GGNBP2: variants seen among roughly 807,000 people sequenced by gnomAD.
GGNBP2 encodes the protein gametogenetin binding protein 2.
A neutral mutation model predicts 85.9 loss-of-function variants in GGNBP2; 10 were observed. The observed-to-expected ratio is 0.12, with a 90% CI of 0.07 to 0.20. GGNBP2 has a LOEUF of 0.20. GGNBP2 is among the 10% of genes least tolerant of loss of function. The pLI, the probability that GGNBP2 is intolerant of heterozygous loss-of-function variation, is 1.00. For missense variants in GGNBP2, 595 were observed against 857.8 expected (o/e 0.69, Z 3.83); for synonymous variants, 287 against 285.7 (o/e 1.00, Z -0.05).
chr17:36,559,858 A>G (rs1019824768), intron 4 of GGNBP2, among the ~76,000 whole-genome samples: 3 of 151,966 alleles, frequency 2.0e-5, no homozygotes, highest in African/African-American at 4.8e-5. Flanking sequence ...TTTTTTTGAG[A>G]CAAAGTCTCA....
chr17:36,568,798 C>T (rs1286973669), intron 6 of GGNBP2, among the ~76,000 whole-genome samples: 1 of 151,774 alleles, frequency 6.6e-6, no homozygotes, highest in Non-Finnish European at 1.5e-5. Context: ...GCTCTGTTGC[C>T]AGGCTGGAAT....
At chr17:36,580,912 CTG>C (rs2074642715) in intron 8 of GGNBP2, among the ~76,000 whole-genome samples, 1 of 149,008 alleles carries the variant, frequency 6.7e-6, no homozygotes, top group Non-Finnish European at 1.5e-5. Context: ...GAGCAAGACT[CTG>C]TCTCAAAAAA....
intron 9 of GGNBP2, among the ~76,000 whole-genome samples, chr17:36,582,986 A>AG (rs1310467524): frequency 6.6e-6 from 1 of 152,194 alleles, no homozygotes; most frequent in Non-Finnish European, 1.5e-5. Context: ...AATGAGAGTG[A>AG]GAAGAATGGT....
chr17:36,581,603 G>A (rs553773544), intron 9 of GGNBP2, 65 bp downstream of exon 9: 2 of 1,255,106 alleles, frequency 1.6e-6, no homozygotes, highest in Admixed American at 4.4e-5. Flanking sequence ...GTACAGGCCA[G>A]GTGTGGTGGC....
At chr17:36,586,956 T>C (rs748524135) in intron 12 of GGNBP2, 41 bp from the exon 13 acceptor site, 1 of 1,473,892 alleles carries the variant, frequency 6.8e-7, no homozygotes, top group Non-Finnish European at 9.4e-7. Context: ...TGCTATTATA[T>C]CATGCCTTTT....
At chr17:36,545,304 C>G (rs2142647566) in intron 1 of GGNBP2, among the ~76,000 whole-genome samples, 2 of 148,112 alleles carry the variant, frequency 1.4e-5, no homozygotes, top group South Asian at 4.3e-4. Context: ...GGGCCCAGGC[C>G]AGGGGTGGGG....
chr17:36,545,833 C>G lies in GGNBP2; in HGVS notation c.93+16C>G, dbSNP rs1001358688. On this transcript the variant is annotated intron_variant, in intron 2 of 13. Coordinates refer to ENST00000613102, the MANE Select transcript of GGNBP2 (RefSeq NM_024835.5). Reference sequence around the variant, plus strand: ...CACCCTGACGGTGAGCGGGCCGGGCCGGGCTGGGCCCGCCGCTCCCCTGGC... The same window carrying G: ...CACCCTGACGGTGAGCGGGCCGGGCGGGGCTGGGCCCGCCGCTCCCCTGGC... The G allele has an allele frequency of 3.3e-6, 5 of 1,510,644 alleles. No individual in the cohort carries two copies. The highest frequency in any genetic ancestry group is 4.5e-6 in the Non-Finnish European group (5 of 1,118,190). 93.6% of individuals were successfully genotyped at this position (1,510,644 alleles called of 1,614,324 possible).
chr17:36,552,877 C>A (rs1477098270), intron 2 of GGNBP2, among the ~76,000 whole-genome samples: 2 of 152,012 alleles, frequency 1.3e-5, no homozygotes, highest in Non-Finnish European at 2.9e-5. Context: ...AAAATATTAA[C>A]CATGTTTGGT....
chr17:36,575,055 A>C, intron 6 of GGNBP2: 1 of 1,222,860 alleles, frequency 8.2e-7, no homozygotes, highest in Non-Finnish European at 1.2e-6. Flanking sequence ...CCCAGGAAAA[A>C]GTTAGTGATC....
chr17:36,548,652 A>AG (rs2074278424), intron 2 of GGNBP2, among the ~76,000 whole-genome samples: 1 of 135,222 alleles, frequency 7.4e-6, no homozygotes, highest in Non-Finnish European at 1.6e-5. Context: ...AAAAAAAAAA[A>AG]GTAGCCTTAG....
chr17:36,545,927 C>G (rs1329764757), intron 2 of GGNBP2, 110 bp downstream of exon 2: 9 of 743,484 alleles, frequency 1.2e-5, no homozygotes, highest in Non-Finnish European at 2.0e-5. Flanking sequence ...TGTTGCAACT[C>G]CTAGGCGAGG....
intron 6 of GGNBP2, among the ~76,000 whole-genome samples, chr17:36,572,476 C>T (rs1555606977): frequency 6.6e-6 from 1 of 152,194 alleles, no homozygotes; most frequent in Non-Finnish European, 1.5e-5. Context: ...ATTGTTTGAG[C>T]CCAGGAGTTC....
At chr17:36,567,828 T>C (rs774737450) in intron 6 of GGNBP2, 52 bp downstream of exon 6, 3 of 896,628 alleles carry the variant, frequency 3.3e-6, no homozygotes, top group Admixed American at 3.7e-5. Flanking sequence ...TATGTGTCAG[T>C]CACCTAGAGT....
chr17:36,577,973 T>C lies in GGNBP2; in HGVS notation c.642-10T>C. 6.2e-7 allele frequency: 1 copy of C among 1,610,998 alleles called. No individual in the cohort carries two copies. Among genetic ancestry groups the C allele is most frequent in the Admixed American group, 1.7e-5 (1 of 60,010 alleles). ...CCATTTCTTAATTTTAAGGTTTTTC[T>C]TTTCAACAGGTTTTGCACTGATTGC... On this transcript the variant is annotated splice_polypyrimidine_tract_variant and intron_variant, in intron 6 of 13. Coordinates refer to ENST00000613102, the MANE Select transcript of GGNBP2 (RefSeq NM_024835.5).
At chr17:36,578,384 T>G (rs935363344) in intron 7 of GGNBP2, 198 bp downstream of exon 7, 7 of 527,164 alleles carry the variant, frequency 1.3e-5, no homozygotes, top group Non-Finnish European at 2.3e-5. Flanking sequence ...TCTCTGGTGT[T>G]TGGTTCAGTC....
intron 9 of GGNBP2, 53 bp from the exon 10 acceptor site, chr17:36,585,247 G>T (rs1389557408): frequency 6.8e-7 from 1 of 1,465,570 alleles, no homozygotes; most frequent in Non-Finnish European, 9.4e-7. Flanking sequence ...GGAATAAAAT[G>T]TAGCTGTTAT....
intron 5 of GGNBP2, among the ~76,000 whole-genome samples, chr17:36,563,267 GAAAT>G (rs746688178): frequency 1.3e-5 from 2 of 151,604 alleles, no homozygotes; most frequent in East Asian, 1.9e-4. Flanking sequence ...ACTTTGTCTC[GAAAT>G]AAATAAATAA....
chr17:36,586,591 A>C, intron 12 of GGNBP2: 1 of 258,910 alleles, frequency 3.9e-6, no homozygotes, highest in South Asian at 5.7e-5. Context: ...TGCTACTATT[A>C]CTTAGTATTC....
intron 2 of GGNBP2, among the ~76,000 whole-genome samples, chr17:36,553,133 A>G (rs183138684): frequency 3.3e-5 from 5 of 152,284 alleles, no homozygotes; most frequent in Admixed American, 3.3e-4. Flanking sequence ...CATAATATAT[A>G]GTATATATGC....
Sources: gnomAD v4.1 joint callset for allele counts (sites outside exome capture counted in the v4.1 genomes callset) on GRCh38, gnomAD v4.1.1 for gene constraint, MANE v1.5 for transcripts, NCBI Gene and HGNC (gene_info 2026-07-23, HGNC 2026-07-21) for gene names.